PTPN13: variants seen among roughly 807,000 people sequenced by gnomAD.
PTPN13 encodes the protein tyrosine-protein phosphatase non-receptor type 13.
In PTPN13, 191 loss-of-function variants were observed where a neutral mutation model predicts 284.0. The observed-to-expected ratio is 0.67, with a 90% CI of 0.60 to 0.76. The LOEUF (loss-of-function observed/expected upper bound fraction) is 0.76. Among genes scored for constraint, PTPN13 ranks in the 30% least tolerant of loss-of-function variants. PTPN13 has a pLI of 0.00. For synonymous variants in PTPN13, 986 were observed against 1,022.3 expected (o/e 0.96, Z 0.68); for missense variants, 2,797 against 2,939.9 (o/e 0.95, Z 1.12).
intron 35 of PTPN13, among the ~76,000 whole-genome samples, chr4:86,778,637 G>C (rs191639452): frequency 6.6e-6 from 1 of 152,070 alleles, no homozygotes. Flanking sequence ...ACCAAACAAA[G>C]AATAAATTCC....
At chr4:86,654,786 T>C (rs1725540619) in intron 2 of PTPN13, among the ~76,000 whole-genome samples, 1 of 152,228 alleles carries the variant, frequency 6.6e-6, no homozygotes, top group Non-Finnish European at 1.5e-5. Context: ...ATTCAATTCC[T>C]GGATATCCTT....
intron 20 of PTPN13, among the ~76,000 whole-genome samples, chr4:86,756,803 G>C (rs1234057934): frequency 6.6e-6 from 1 of 152,152 alleles, no homozygotes; most frequent in Non-Finnish European, 1.5e-5. Context: ...GTGGTTATAT[G>C]TTGCACATAC....
chr4:86,715,559 T>C (rs942692816), intron 7 of PTPN13, among the ~76,000 whole-genome samples: 1 of 152,100 alleles, frequency 6.6e-6, no homozygotes, highest in African/African-American at 2.4e-5. Context: ...ACCACTGCAC[T>C]CCAGCCTAGG....
At chr4:86,787,103 CAA>C (rs574178007) in intron 40 of PTPN13, among the ~76,000 whole-genome samples, 2 of 127,344 alleles carry the variant, frequency 1.6e-5, no homozygotes, top group Admixed American at 1.6e-4. Context: ...GACTCAGTCT[CAA>C]AAAAAAAAAA....
At chr4:86,739,393 A>G (rs999569145) in intron 15 of PTPN13, among the ~76,000 whole-genome samples, 1 of 152,168 alleles carries the variant, frequency 6.6e-6, no homozygotes, top group Non-Finnish European at 1.5e-5. Context: ...AGGCCTCACA[A>G]TCACGGTGGA....
At chr4:86,729,661 A>C (rs1734718603) in intron 10 of PTPN13, among the ~76,000 whole-genome samples, 1 of 149,730 alleles carries the variant, frequency 6.7e-6, no homozygotes, top group South Asian at 2.1e-4. Flanking sequence ...TGTGTCACAA[A>C]GTTCTTGTGC....
At chr4:86,691,256 A>C (rs1210202790) in intron 5 of PTPN13, among the ~76,000 whole-genome samples, 1 of 152,090 alleles carries the variant, frequency 6.6e-6, no homozygotes, top group Non-Finnish European at 1.5e-5. Context: ...AAAATTAAAA[A>C]TAGCACTTCG....
At chr4:86,802,189 G>A (rs1029943856) in intron 42 of PTPN13, among the ~76,000 whole-genome samples, 3 of 150,936 alleles carry the variant, frequency 2.0e-5, no homozygotes, top group African/African-American at 7.3e-5. Context: ...GGTGTGTAAG[G>A]AGTCAGGGGA....
At chr4:86,669,285 G>GTATATATATATATATATATA (rs34939020) in intron 2 of PTPN13, among the ~76,000 whole-genome samples, 7 of 113,374 alleles carry the variant, frequency 6.2e-5, no homozygotes, top group Non-Finnish European at 8.9e-5. Context: ...GGAAGAAGAT[G>GTATATATATATATATATATA]TATATATATA....
chr4:86,807,096 A>G (rs767849065), intron 44 of PTPN13, among the ~76,000 whole-genome samples: 4 of 152,150 alleles, frequency 2.6e-5, no homozygotes, highest in Non-Finnish European at 5.9e-5. Context: ...AACATTTGCA[A>G]TATATACTTT....
In PTPN13 at chr4:86,765,410, A is replaced by C. The variant is rs751924150; in HGVS notation, c.4165A>C (p.Ser1389Arg). 5 of 1,600,194 alleles carry C rather than the reference A, an allele frequency of 3.1e-6. No homozygotes were observed. In the Admixed American group the frequency reaches 8.5e-5, roughly 27 times the overall value. ...TTCTCTTTAGGGAGGTGTGAATACGAGTGTCAGACATGGTGGCATTTATGT... is the reference window on the plus strand; with the variant it reads ...TTCTCTTTAGGGAGGTGTGAATACGCGTGTCAGACATGGTGGCATTTATGT... ...GISVTGGVNTSVRHGGIYVKA... is the reference protein window; with the variant it reads ...GISVTGGVNTRVRHGGIYVKA... The change falls in exon 26 of 48, where the codon AGT becomes CGT. Residue 1389 changes from serine (S) to arginine (R), a missense_variant. Transcript: ENST00000411767.
intron 46 of PTPN13, among the ~76,000 whole-genome samples, chr4:86,810,490 A>T (rs1745110638): frequency 6.6e-6 from 1 of 152,270 alleles, no homozygotes; most frequent in African/African-American, 2.4e-5. Flanking sequence ...TTACTTTTGA[A>T]CTCAAATTAA....
At chr4:86,784,940 A>G (rs989936797) in intron 38 of PTPN13, among the ~76,000 whole-genome samples, 1 of 152,158 alleles carries the variant, frequency 6.6e-6, no homozygotes, top group Admixed American at 6.5e-5. Context: ...GTCATTTAAG[A>G]AAATAAACAT....
chr4:86,635,152 CA>C (rs1578298786), intron 1 of PTPN13, 99 bp from the exon 2 acceptor site: 2 of 1,247,996 alleles, frequency 1.6e-6, no homozygotes, highest in East Asian at 2.6e-5. Context: ...ATTAGGTAGA[CA>C]GGGGGCTTAT....
intron 40 of PTPN13, among the ~76,000 whole-genome samples, chr4:86,789,181 A>G (rs987099210): frequency 2.0e-4 from 30 of 152,358 alleles, no homozygotes; most frequent in African/African-American, 7.0e-4. Context: ...CTTACATGCC[A>G]TGCCAAGGAA....
intron 1 of PTPN13, among the ~76,000 whole-genome samples, chr4:86,623,551 A>C (rs746239840): frequency 1.3e-5 from 2 of 152,198 alleles, no homozygotes; most frequent in Non-Finnish European, 2.9e-5. Context: ...TAAAGACAAT[A>C]ACCAGGCAAT....
rs770399738 is a variant in PTPN13, at chr4:86,769,866, C to G, written c.4587C>G (p.Ser1529Arg). ...TTATACCGGAGCAAATTAATGCCAG[C>G]ATAGTAAGGGTTAAAAAGCTCTTTC... ...DNLIPEQINA[S>R]IVRVKKLFPG... Residue 1529 changes from serine (S) to arginine (R), a missense_variant, in exon 29 of 48, where the codon AGC becomes AGG. Coordinates refer to ENST00000411767, the MANE Select transcript of PTPN13 (RefSeq NM_080683.3). 13 of 1,613,624 alleles carry G rather than the reference C, an allele frequency of 8.1e-6. No individual in the cohort carries two copies. Among genetic ancestry groups the G allele is most frequent in the African/African-American group, 1.3e-5 (1 of 74,882 alleles).
intron 15 of PTPN13, among the ~76,000 whole-genome samples, chr4:86,739,286 A>T (rs962489705): frequency 6.6e-6 from 1 of 152,220 alleles, no homozygotes; most frequent in Non-Finnish European, 1.5e-5. Flanking sequence ...ATAGTGTGTT[A>T]GTCCTTTGTC....
At chr4:86,661,074 T>C (rs1269681605) in intron 2 of PTPN13, 1 of 453,436 alleles carries the variant, frequency 2.2e-6, no homozygotes, top group Non-Finnish European at 4.4e-6. Context: ...TATGAATGTA[T>C]GCACTCATAC....
Sources: gnomAD v4.1 joint callset for allele counts (sites outside exome capture counted in the v4.1 genomes callset) on GRCh38, gnomAD v4.1.1 for gene constraint, MANE v1.5 for transcripts, NCBI Gene and HGNC (gene_info 2026-07-23, HGNC 2026-07-21) for gene names.